Variants in CTDSPL observed in about 807,000 individuals in gnomAD.
CTDSPL encodes CTD small phosphatase like.
Under a neutral mutation model 30.5 loss-of-function variants are expected in CTDSPL, and 8 were observed. That is an observed-to-expected ratio of 0.26 (90% CI 0.15 to 0.47). CTDSPL has a LOEUF of 0.47. CTDSPL is among the 20% of genes least tolerant of loss of function. The pLI, the probability that CTDSPL is intolerant of heterozygous loss-of-function variation, is 0.99. For missense variants in CTDSPL, 248 were observed against 366.1 expected (o/e 0.68, Z 2.63); for synonymous variants, 110 against 137.9 (o/e 0.80, Z 1.42).
intron 6 of CTDSPL, among the ~76,000 whole-genome samples, chr3:37,971,756 G>A (rs963852531): frequency 1.1e-4 from 16 of 152,230 alleles, no homozygotes; most frequent in Non-Finnish European, 1.8e-4. Flanking sequence ...GAAGCTGGGT[G>A]TCCACAGTCC....
intron 1 of CTDSPL, among the ~76,000 whole-genome samples, chr3:37,938,331 G>A (rs968902673): frequency 8.0e-5 from 12 of 150,084 alleles, no homozygotes; most frequent in African/African-American, 2.4e-4. Context: ...AGCCTCCCCC[G>A]TCTTGAATCT....
In CTDSPL at chr3:37,890,818, G is replaced by A. The variant is rs537380785; in HGVS notation, c.79+28540G>A. On this transcript the variant is annotated intron_variant, in intron 1 of 7. Transcript: ENST00000273179. Reference sequence around the variant, plus strand: ...TTCAGATGAGGTTATAAGGCTGAGCGGGAGTGTATACCTAATAACAGGAAG... The same window carrying A: ...TTCAGATGAGGTTATAAGGCTGAGCAGGAGTGTATACCTAATAACAGGAAG... 3.9e-5 allele frequency among the ~76,000 whole-genome samples: 6 copies of A among 152,254 alleles called. No homozygotes were observed. The South Asian group carries it at 1.2e-3, about 32-fold the overall frequency.
At chr3:37,959,621 A>G (rs1699213599) in intron 3 of CTDSPL, among the ~76,000 whole-genome samples, 1 of 152,222 alleles carries the variant, frequency 6.6e-6, no homozygotes, top group Non-Finnish European at 1.5e-5. Context: ...TTTATATTTC[A>G]TTGATGGCAT....
intron 3 of CTDSPL, among the ~76,000 whole-genome samples, chr3:37,959,663 A>G (rs776909738): frequency 6.6e-6 from 1 of 152,196 alleles, no homozygotes; most frequent in African/African-American, 2.4e-5. Flanking sequence ...GCTATTACAA[A>G]TATTTCTCTT....
chr3:37,969,701 C>A (rs1699344526), intron 5 of CTDSPL, among the ~76,000 whole-genome samples: 1 of 152,222 alleles, frequency 6.6e-6, no homozygotes, highest in Admixed American at 6.5e-5. Context: ...ACAGGCCCTG[C>A]CCTCAGCCCT....
intron 1 of CTDSPL, among the ~76,000 whole-genome samples, chr3:37,912,681 C>T (rs1698597395): frequency 6.6e-6 from 1 of 152,208 alleles, no homozygotes; most frequent in Admixed American, 6.5e-5. Flanking sequence ...GACCTTGACT[C>T]TTAAGGATTT....
chr3:37,963,027 G>C (rs552384036), intron 3 of CTDSPL, among the ~76,000 whole-genome samples: 2 of 152,264 alleles, frequency 1.3e-5, no homozygotes, highest in South Asian at 4.2e-4. Flanking sequence ...AAAATAACCT[G>C]CTGACTCACT....
At chr3:37,889,135 G>C (rs576359356) in intron 1 of CTDSPL, among the ~76,000 whole-genome samples, 2 of 152,328 alleles carry the variant, frequency 1.3e-5, no homozygotes, top group African/African-American at 2.4e-5. Flanking sequence ...CTTGATGGCT[G>C]AGTAGCAGGC....
At chr3:37,966,590 G>A (rs1699301135) in intron 4 of CTDSPL, among the ~76,000 whole-genome samples, 1 of 152,128 alleles carries the variant, frequency 6.6e-6, no homozygotes, top group Non-Finnish European at 1.5e-5. Context: ...TCTGATTTTA[G>A]TTGTGCAATT....
chr3:37,980,557 A>G (rs1389982656), intron 7 of CTDSPL, among the ~76,000 whole-genome samples, 185 bp from the exon 8 acceptor site: 1 of 152,208 alleles, frequency 6.6e-6, no homozygotes, highest in Non-Finnish European at 1.5e-5. Context: ...GCCATCTCCC[A>G]AGCCATTTAG....
intron 2 of CTDSPL, chr3:37,954,954 C>T (rs1213887644): frequency 1.3e-5 from 2 of 152,246 alleles, no homozygotes; most frequent in African/African-American, 2.4e-5. Context: ...CCTTCTAGAT[C>T]AGCACCTTTG....
intron 1 of CTDSPL, among the ~76,000 whole-genome samples, chr3:37,919,163 A>T (rs1056913851): frequency 6.6e-6 from 1 of 152,080 alleles, no homozygotes; most frequent in African/African-American, 2.4e-5. Context: ...AACTGTCCTT[A>T]TAAGAATTAC....
chr3:37,920,728 C>T (rs987280875), intron 1 of CTDSPL, among the ~76,000 whole-genome samples: 2 of 152,222 alleles, frequency 1.3e-5, no homozygotes, highest in Non-Finnish European at 2.9e-5. Context: ...CTGGCTTAAG[C>T]GCATACTTCC....
At position 37,964,032 on chromosome 3, in the gene CTDSPL, T is replaced by TAAAAAAAA. The variant is rs58061973; in HGVS notation, c.268-509_268-502dup. On this transcript the variant is annotated intron_variant, in intron 3 of 7. Coordinates refer to ENST00000273179, the MANE Select transcript of CTDSPL (RefSeq NM_001008392.2). ...CAAGTTTTTTAAAAATCTCAGTCAC[T>TAAAAAAAA]AAAAAAAAAAAAAAAAAAAAAAAAA... Among the ~76,000 whole-genome samples, 31 of 22,990 alleles carry TAAAAAAAA rather than the reference T, an allele frequency of 1.3e-3. 10 individuals are homozygous for TAAAAAAAA. Among genetic ancestry groups the TAAAAAAAA allele is most frequent in the Admixed American group, 3.8e-3 (5 of 1,330 alleles). The allele number at this position is 22,990 out of a possible 152,430, so 15.1% of individuals were successfully genotyped here. A position where few individuals can be genotyped will look rare whatever the true frequency, so the allele number is the denominator to read the frequency against.
intron 2 of CTDSPL, among the ~76,000 whole-genome samples, chr3:37,956,519 C>T (rs991814925): frequency 3.3e-5 from 5 of 152,160 alleles, no homozygotes; most frequent in African/African-American, 9.7e-5. Context: ...TCCTTGGGGC[C>T]TAGGTTTTCT....
At chr3:37,945,777 A>G (rs969939255) in intron 1 of CTDSPL, among the ~76,000 whole-genome samples, 2 of 152,208 alleles carry the variant, frequency 1.3e-5, no homozygotes, top group South Asian at 2.1e-4. Context: ...GCCCAAACCT[A>G]GGGTAGAAAC....
At chr3:37,928,397 C>T (rs1305047078) in intron 1 of CTDSPL, among the ~76,000 whole-genome samples, 1 of 152,176 alleles carries the variant, frequency 6.6e-6, no homozygotes, top group East Asian at 1.9e-4. Flanking sequence ...ACTTATTTTT[C>T]TTTTTCTGTT....
At chr3:37,974,984 A>G (rs1575325626) in intron 6 of CTDSPL, among the ~76,000 whole-genome samples, 1 of 152,326 alleles carries the variant, frequency 6.6e-6, no homozygotes, top group East Asian at 1.9e-4. Flanking sequence ...ACAAGGAGAG[A>G]GGAAATCAAG....
intron 1 of CTDSPL, among the ~76,000 whole-genome samples, chr3:37,914,509 A>T (rs1032400165): frequency 1.3e-5 from 2 of 152,226 alleles, no homozygotes; most frequent in Non-Finnish European, 2.9e-5. Flanking sequence ...GGTCCTATCT[A>T]GTCTTAGTTT....
Sources: allele counts gnomAD v4.1 joint callset (sites outside exome capture counted in the v4.1 genomes callset), GRCh38; gene constraint gnomAD v4.1.1; transcripts MANE v1.5; gene names NCBI Gene and HGNC (gene_info 2026-07-23, HGNC 2026-07-21).